AGBL4: variants seen among roughly 807,000 people sequenced by gnomAD.
AGBL4 encodes the protein cytosolic carboxypeptidase 6.
Under a neutral mutation model 66.4 loss-of-function variants are expected in AGBL4, and 58 were observed. The observed-to-expected ratio is 0.87, with a 90% CI of 0.71 to 1.09. AGBL4 has a LOEUF of 1.09. AGBL4 is among the 50% of genes least tolerant of loss of function. The pLI, the probability that AGBL4 is intolerant of heterozygous loss-of-function variation, is 0.00. For synonymous variants in AGBL4, 234 were observed against 222.9 expected (o/e 1.05, Z -0.44); for missense variants, 579 against 631.0 (o/e 0.92, Z 0.88).
chr1:49,446,706 G>A (rs1318425296), intron 3 of AGBL4, among the ~76,000 whole-genome samples: 2 of 152,116 alleles, frequency 1.3e-5, no homozygotes, highest in Non-Finnish European at 2.9e-5. Context: ...TGGTGTGGAC[G>A]ATGACAGTAG....
intron 1 of AGBL4, among the ~76,000 whole-genome samples, chr1:49,888,951 T>A (rs1399254425): frequency 6.6e-6 from 1 of 152,332 alleles, no homozygotes; most frequent in Non-Finnish European, 1.5e-5. Context: ...ATAAAGTATA[T>A]GGCTTCTGCT....
intron 2 of AGBL4, among the ~76,000 whole-genome samples, chr1:49,707,496 C>G (rs1284685916): frequency 1.3e-5 from 2 of 151,106 alleles, no homozygotes; most frequent in African/African-American, 4.9e-5. Flanking sequence ...TGGATCTTGA[C>G]CCTTTATCTA....
chr1:49,486,637 T>G (rs1647072868), intron 3 of AGBL4, among the ~76,000 whole-genome samples: 1 of 152,048 alleles, frequency 6.6e-6, no homozygotes, highest in Non-Finnish European at 1.5e-5. Context: ...CTCTTGGTTA[T>G]GCATTCTCCT....
At chr1:48,792,926 A>G (rs952042579) in intron 6 of AGBL4, among the ~76,000 whole-genome samples, 2 of 152,248 alleles carry the variant, frequency 1.3e-5, no homozygotes, top group African/African-American at 2.4e-5. Flanking sequence ...TTCTACCCCC[A>G]TTCACACTCC....
intron 4 of AGBL4, among the ~76,000 whole-genome samples, chr1:49,153,054 G>A (rs1460600237): frequency 2.6e-5 from 4 of 152,094 alleles, no homozygotes; most frequent in Non-Finnish European, 5.9e-5. Flanking sequence ...AGGAGACTTG[G>A]ATGAGACAAT....
At chr1:49,362,993 C>G (rs2148539299) in intron 3 of AGBL4, among the ~76,000 whole-genome samples, 1 of 152,238 alleles carries the variant, frequency 6.6e-6, no homozygotes, top group South Asian at 2.1e-4. Flanking sequence ...CATCCAGCAG[C>G]TGCATATAAG....
rs80285480 is a variant in AGBL4 at position 49,784,435 on chromosome 1, A to C, written c.157+66961T>G. Among the ~76,000 whole-genome samples, 7 of 152,226 alleles carry C rather than the reference A, an allele frequency of 4.6e-5. No individual in the cohort carries two copies. The East Asian group carries it at 1.2e-3, about 25-fold the overall frequency. On this transcript the variant is annotated intron_variant, in intron 2 of 13. Transcript: ENST00000371839. ...AAACTGGATATCTACTCACAAAATT[A>C]TGCAGTTGGAACCCTTCCTCAAACC...
chr1:48,800,334 C>T (rs1334475352), intron 6 of AGBL4, among the ~76,000 whole-genome samples: 2 of 152,132 alleles, frequency 1.3e-5, no homozygotes, highest in Non-Finnish European at 2.9e-5. Context: ...TCTCTGATAT[C>T]CATCGTAATA....
chr1:48,700,375 C>T (rs1327537720), intron 6 of AGBL4, among the ~76,000 whole-genome samples: 1 of 152,212 alleles, frequency 6.6e-6, no homozygotes, highest in Admixed American at 6.5e-5. Flanking sequence ...CTGCACAGCA[C>T]AATTGAAATG....
intron 3 of AGBL4, among the ~76,000 whole-genome samples, chr1:49,377,435 G>A (rs1644494569): frequency 6.6e-6 from 1 of 152,016 alleles, no homozygotes; most frequent in Non-Finnish European, 1.5e-5. Context: ...CTAGTAAGTG[G>A]CAAAGCAAAG....
chr1:49,689,404 A>G (rs1477513533), intron 3 of AGBL4, among the ~76,000 whole-genome samples: 1 of 151,952 alleles, frequency 6.6e-6, no homozygotes, highest in Non-Finnish European at 1.5e-5. Context: ...TTCTTTTCTG[A>G]GTTCTCTATT....
intron 5 of AGBL4, among the ~76,000 whole-genome samples, chr1:49,039,151 A>G (rs555075827): frequency 2.6e-5 from 4 of 152,272 alleles, no homozygotes; most frequent in Non-Finnish European, 5.9e-5. Flanking sequence ...CTATGGGGAC[A>G]TTAAAAAGAT....
chr1:48,653,280 C>A, intron 8 of AGBL4, 57 bp downstream of exon 8: 4 of 1,342,132 alleles, frequency 3.0e-6, no homozygotes, highest in Non-Finnish European at 4.1e-6. Context: ...TTTTTTCTTG[C>A]TTCCATACTA....
intron 11 of AGBL4, among the ~76,000 whole-genome samples, chr1:48,546,560 C>A (rs144173378): frequency 6.6e-6 from 1 of 152,162 alleles, no homozygotes; most frequent in Non-Finnish European, 1.5e-5. Flanking sequence ...TGTAGCTAAC[C>A]GCGTAGAGTG....
intron 1 of AGBL4, among the ~76,000 whole-genome samples, chr1:49,985,766 T>G (rs1351828526): frequency 1.3e-5 from 2 of 152,134 alleles, no homozygotes; most frequent in Non-Finnish European, 2.9e-5. Flanking sequence ...ACTTCTTTGA[T>G]TCATTTAATA....
chr1:49,289,015 C>CAG (rs918685888), intron 3 of AGBL4, among the ~76,000 whole-genome samples: 66 of 150,056 alleles, frequency 4.4e-4, no homozygotes, highest in Non-Finnish European at 6.5e-4. Flanking sequence ...CACACACACA[C>CAG]AGAGAGAGAG....
At chr1:49,977,911 C>A (rs990942738) in intron 1 of AGBL4, among the ~76,000 whole-genome samples, 1 of 152,192 alleles carries the variant, frequency 6.6e-6, no homozygotes, top group Non-Finnish European at 1.5e-5. Context: ...CTTTCACTAT[C>A]ATCTAAGAGT....
At chr1:49,005,281 T>C (rs1661698522) in intron 5 of AGBL4, among the ~76,000 whole-genome samples, 3 of 152,218 alleles carry the variant, frequency 2.0e-5, no homozygotes, top group Admixed American at 6.5e-5. Flanking sequence ...ATTTTCATTT[T>C]CCATGGTTTC....
chr1:49,315,625 C>T (rs1645026718), intron 3 of AGBL4, among the ~76,000 whole-genome samples: 1 of 152,082 alleles, frequency 6.6e-6, no homozygotes. Context: ...ATGCGGCCAA[C>T]AAACATATGG....
Sources: gnomAD v4.1 joint callset for allele counts (sites outside exome capture counted in the v4.1 genomes callset) on GRCh38, gnomAD v4.1.1 for gene constraint, MANE v1.5 for transcripts, NCBI Gene and HGNC (gene_info 2026-07-23, HGNC 2026-07-21) for gene names.